Variants in PLPP1 observed in about 807,000 individuals in gnomAD.
The protein encoded by PLPP1 is phospholipid phosphatase 1.
Under a neutral mutation model 31.2 loss-of-function variants are expected in PLPP1, and 24 were observed. The observed-to-expected ratio is 0.77, with a 90% CI of 0.56 to 1.08. PLPP1 has a LOEUF of 1.08. Among genes scored for constraint, PLPP1 ranks in the 50% least tolerant of loss-of-function variants. PLPP1 has a pLI of 0.00. For missense variants in PLPP1, 319 were observed against 342.7 expected, an observed-to-expected ratio of 0.93 and a Z score of 0.55; for synonymous variants, 146 against 126.3, an observed-to-expected ratio of 1.16 and a Z score of -1.05.
At chr5:55,504,496 G>A (rs1324669756) in intron 1 of PLPP1, among the ~76,000 whole-genome samples, 1 of 118,988 alleles carries the variant, frequency 8.4e-6, no homozygotes, top group Admixed American at 1.2e-4. Flanking sequence ...CTCCACTCCA[G>A]TCTGGGAGAC....
At chr5:55,516,457 A>G (rs938574678) in intron 1 of PLPP1, among the ~76,000 whole-genome samples, 1 of 152,106 alleles carries the variant, frequency 6.6e-6, no homozygotes, top group African/African-American at 2.4e-5. Context: ...TTTCATATTT[A>G]TTTGTATGAT....
At chr5:55,517,402 G>T (rs556061835) in intron 1 of PLPP1, among the ~76,000 whole-genome samples, 2 of 152,138 alleles carry the variant, frequency 1.3e-5, no homozygotes, top group African/African-American at 4.8e-5. Context: ...TTGCCATGTT[G>T]CCCAGGCTGG....
chr5:55,526,211 A>G (rs1322065170), intron 1 of PLPP1, among the ~76,000 whole-genome samples: 1 of 152,208 alleles, frequency 6.6e-6, no homozygotes, highest in African/African-American at 2.4e-5. Context: ...ACTAAATGAG[A>G]AAGAGATTAA....
At chr5:55,480,922 C>G (rs972448703) in intron 1 of PLPP1, among the ~76,000 whole-genome samples, 16 of 152,166 alleles carry the variant, frequency 1.1e-4, no homozygotes, top group Non-Finnish European at 2.4e-4. Flanking sequence ...TTGATACATT[C>G]ACTAGTCAGC....
Position 55,425,153 on chromosome 5 carries a change from A to C in PLPP1, c.*53T>G. On this transcript the variant is annotated 3_prime_UTR_variant, in exon 6 of 6. Transcript: ENST00000307259. ...AAGATGCATCCTCTTGCCTTGTGGCAATCATTTTCCTTTAGAAAACAGGCC... is the reference window on the plus strand; with the variant it reads ...AAGATGCATCCTCTTGCCTTGTGGCCATCATTTTCCTTTAGAAAACAGGCC... The C allele has an allele frequency of 6.3e-7, 1 of 1,576,754 alleles. No homozygotes were observed. The highest frequency in any genetic ancestry group is 8.6e-7 in the Non-Finnish European group (1 of 1,163,912).
At chr5:55,492,090 A>C (rs1160699418) in intron 1 of PLPP1, among the ~76,000 whole-genome samples, 5 of 152,162 alleles carry the variant, frequency 3.3e-5, no homozygotes, top group African/African-American at 4.8e-5. Context: ...ACCCTGAAAG[A>C]CCAAAGTTAA....
In PLPP1 at chr5:55,534,929, C is replaced by T. The variant is rs1740834023; in HGVS notation, c.-300G>A. 5.0e-6 allele frequency: 2 copies of T among 403,096 alleles called. No individual in the cohort carries two copies. The highest frequency in any genetic ancestry group is 8.1e-5 in the South Asian group (2 of 24,596). The allele number at this position is 403,096 out of a possible 1,614,324, so 25.0% of individuals were successfully genotyped here. A position where few individuals can be genotyped will look rare whatever the true frequency, so the allele number is the denominator to read the frequency against. ...CCTCCTCAGCCGGCACGGCCTGCCC[C>T]GGTTGCTCCCCGTCCGGATCCCGGC... On this transcript the variant is annotated 5_prime_UTR_variant, in exon 1 of 6. Transcript: ENST00000307259.
chr5:55,525,110 G>A (rs1753752369), intron 1 of PLPP1, among the ~76,000 whole-genome samples: 1 of 152,144 alleles, frequency 6.6e-6, no homozygotes, highest in Non-Finnish European at 1.5e-5. Context: ...CATTCCATGA[G>A]TACTCATGAG....
chr5:55,432,422 G>A (rs1255015342), intron 4 of PLPP1, among the ~76,000 whole-genome samples: 1 of 151,962 alleles, frequency 6.6e-6, no homozygotes, highest in Non-Finnish European at 1.5e-5. Flanking sequence ...TCCCAATCCA[G>A]GACCAAATGG....
chr5:55,450,499 AAAT>A (rs1751868952), intron 3 of PLPP1, among the ~76,000 whole-genome samples: 1 of 152,192 alleles, frequency 6.6e-6, no homozygotes, highest in Admixed American at 6.5e-5. Flanking sequence ...TATATCTTGA[AAAT>A]AACATGACTG....
chr5:55,426,516 G>A (rs981266852), intron 4 of PLPP1, among the ~76,000 whole-genome samples: 1 of 151,946 alleles, frequency 6.6e-6, no homozygotes, highest in Non-Finnish European at 1.5e-5. Context: ...ATCTTTCCAT[G>A]TCAGTTTCCC....
At chr5:55,530,207 T>C in intron 1 of PLPP1, 1 of 1,369,080 alleles carries the variant, frequency 7.3e-7, no homozygotes, top group Non-Finnish European at 1.0e-6. Flanking sequence ...ATTGAGTTTC[T>C]TCATCTAGCT....
At chr5:55,454,479 T>G (rs1272617825) in intron 3 of PLPP1, among the ~76,000 whole-genome samples, 1 of 152,224 alleles carries the variant, frequency 6.6e-6, no homozygotes, top group Non-Finnish European at 1.5e-5. Context: ...GTAAATTAGC[T>G]GGTCCAGGCG....
chr5:55,457,814 G>A (rs1292744450), intron 3 of PLPP1, among the ~76,000 whole-genome samples: 6 of 151,632 alleles, frequency 4.0e-5, no homozygotes, highest in Admixed American at 2.6e-4. Context: ...GCTTGAACCC[G>A]GGAGGCAGAG....
chr5:55,444,743 T>TTGTGTGTGTGTGTGTGTG (rs1554037412), intron 3 of PLPP1, among the ~76,000 whole-genome samples: 9 of 137,370 alleles, frequency 6.6e-5, no homozygotes, highest in African/African-American at 2.4e-4. Flanking sequence ...GGATTCTATT[T>TTGTGTGTGTGTGTGTGTG]TGTGTGTGTG....
chr5:55,475,445 A>T lies in PLPP1; in HGVS notation c.64T>A (p.Leu22Met). The T allele has an allele frequency of 6.3e-7, 1 of 1,595,198 alleles. No homozygotes were observed. The highest frequency in any genetic ancestry group is 8.5e-7 in the Non-Finnish European group (1 of 1,173,998). The change falls in exon 2 of 6, where the codon TTG becomes ATG. Residue 22 changes from leucine to methionine, a missense_variant. Leu to Met is a conservative substitution (Grantham distance 15, BLOSUM62 2). Coordinates refer to ENST00000307259, the MANE Select transcript of PLPP1 (RefSeq NM_003711.4). ...LDVLCVLLAG[L>M]PFAILTSRHT... is the part of the protein sequence containing the mutation. ...CTTGAAGTAAGAATTGCAAAAGGCAATCCAGCTAGCAAAAGGGAATAAATG... is the reference window on the plus strand; with the variant it reads ...CTTGAAGTAAGAATTGCAAAAGGCATTCCAGCTAGCAAAAGGGAATAAATG...
chr5:55,436,550 G>A (rs1340493224), intron 4 of PLPP1, among the ~76,000 whole-genome samples: 3 of 152,184 alleles, frequency 2.0e-5, no homozygotes, highest in Non-Finnish European at 4.4e-5. Context: ...CCTTGGGTAT[G>A]TCTTTATCGG....
At chr5:55,504,395 G>A (rs1483844451) in intron 1 of PLPP1, among the ~76,000 whole-genome samples, 5 of 149,234 alleles carry the variant, frequency 3.4e-5, no homozygotes, top group Admixed American at 2.7e-4. Flanking sequence ...GGTGGTGCAC[G>A]CCTGTTGTCC....
rs192414838 is a variant in PLPP1, at chr5:55,445,779, G to A, written c.492-3871C>T. 5.9e-3 allele frequency among the ~76,000 whole-genome samples: 896 copies of A among 151,792 alleles called. 4 individuals carry two copies. Among genetic ancestry groups the A allele is most frequent in the African/African-American group, 0.021 (859 of 41,306 alleles). ...AGGCTGGCCTCAAACTCCTGACCTC[G>A]AGTGACCTGCCTGCCTCGGCCTCCC... On this transcript the variant is annotated intron_variant, in intron 3 of 5. Transcript: ENST00000307259.
Sources: allele counts gnomAD v4.1 joint callset (sites outside exome capture counted in the v4.1 genomes callset), GRCh38; gene constraint gnomAD v4.1.1; transcripts MANE v1.5; gene names NCBI Gene and HGNC (gene_info 2026-07-23, HGNC 2026-07-21).